Variants in GRM5 observed in about 807,000 individuals in gnomAD.
GRM5 encodes glutamate metabotropic receptor 5.
Under a neutral mutation model 83.1 loss-of-function variants are expected in GRM5, and 19 were observed. That is an observed-to-expected ratio of 0.23 (90% confidence interval 0.16 to 0.34). The LOEUF (loss-of-function observed/expected upper bound fraction) is 0.34. GRM5 is among the 10% of genes least tolerant of loss of function. The probability of loss-of-function intolerance (pLI) is 1.00; values close to 1 mark genes in which losing one functional copy is unlikely to be tolerated. For synonymous variants in GRM5, 675 were observed against 633.6 expected, an observed-to-expected ratio of 1.07 and a Z score of -0.98; for missense variants, 1,160 against 1,588.3, an observed-to-expected ratio of 0.73 and a Z score of 4.58.
chr11:88,717,240 A>G (rs999533486), intron 3 of GRM5, among the ~76,000 whole-genome samples: 1 of 151,914 alleles, frequency 6.6e-6, no homozygotes, highest in Non-Finnish European at 1.5e-5. Context: ...AAAGCCATTT[A>G]TTAGTCTTTG....
At chr11:88,636,591 T>C (rs1939129306) in intron 4 of GRM5, among the ~76,000 whole-genome samples, 1 of 152,166 alleles carries the variant, frequency 6.6e-6, no homozygotes, top group South Asian at 2.1e-4. Context: ...TTATAATAGG[T>C]TTTCTCATTA....
At chr11:88,569,110 A>T (rs1052735153) in intron 7 of GRM5, among the ~76,000 whole-genome samples, 1 of 152,246 alleles carries the variant, frequency 6.6e-6, no homozygotes, top group Non-Finnish European at 1.5e-5. Context: ...ACACACATAT[A>T]TAAAATCCTG....
chr11:88,544,961 A>T (rs1424429452), intron 8 of GRM5, among the ~76,000 whole-genome samples: 2 of 152,222 alleles, frequency 1.3e-5, no homozygotes, highest in Admixed American at 1.3e-4. Context: ...ACGAATGAAC[A>T]TTGATTTACA....
At chr11:88,601,771 T>G (rs1317923390) in intron 5 of GRM5, among the ~76,000 whole-genome samples, 1 of 152,190 alleles carries the variant, frequency 6.6e-6, no homozygotes, top group East Asian at 1.9e-4. Flanking sequence ...TAATTCTCAA[T>G]GGAGTCCCTA....
At chr11:88,879,706 T>C (rs1261033393) in intron 2 of GRM5, among the ~76,000 whole-genome samples, 1 of 151,952 alleles carries the variant, frequency 6.6e-6, no homozygotes, top group Non-Finnish European at 1.5e-5. Context: ...GTAAATATTT[T>C]TTACCTGTTT....
At chr11:88,950,351 A>AGT (rs55646353) in intron 2 of GRM5, among the ~76,000 whole-genome samples, 26,722 of 146,996 alleles carry the variant, frequency 0.18, 2,568 homozygotes, top group Non-Finnish European at 0.25. Flanking sequence ...TTGTGAGATA[A>AGT]GTGTGTGTGT....
chr11:88,752,923 G>T (rs991236974), intron 3 of GRM5, among the ~76,000 whole-genome samples: 2 of 152,136 alleles, frequency 1.3e-5, no homozygotes, highest in Admixed American at 6.6e-5. Context: ...ATTGAAACTG[G>T]ACCCCTTCCT....
chr11:88,637,449 A>C (rs1175262263), intron 4 of GRM5, among the ~76,000 whole-genome samples: 1 of 152,120 alleles, frequency 6.6e-6, no homozygotes, highest in East Asian at 1.9e-4. Context: ...AACTCAAACA[A>C]ATTTACAAGG....
At chr11:88,876,231 G>T (rs551783175) in intron 2 of GRM5, among the ~76,000 whole-genome samples, 3 of 152,172 alleles carry the variant, frequency 2.0e-5, no homozygotes, top group African/African-American at 7.2e-5. Context: ...TGCACTTTTA[G>T]GTTATAGAGA....
chr11:88,611,480 T>C (rs1938315055), intron 4 of GRM5, among the ~76,000 whole-genome samples: 1 of 152,210 alleles, frequency 6.6e-6, no homozygotes, highest in Non-Finnish European at 1.5e-5. Flanking sequence ...CTATTTCTCC[T>C]AGGTTTTCTT....
chr11:88,877,941 C>T (rs923885816), intron 2 of GRM5, among the ~76,000 whole-genome samples: 1 of 151,974 alleles, frequency 6.6e-6, no homozygotes, highest in African/African-American at 2.4e-5. Flanking sequence ...ACCAGCATGG[C>T]ACATGTATAC....
intron 3 of GRM5, among the ~76,000 whole-genome samples, chr11:88,710,561 T>C (rs771085945): frequency 6.6e-6 from 1 of 152,110 alleles, no homozygotes; most frequent in Non-Finnish European, 1.5e-5. Context: ...GAAAATATAA[T>C]ATGCTACTAT....
intron 7 of GRM5, among the ~76,000 whole-genome samples, chr11:88,587,049 T>C (rs1343334054): frequency 6.6e-6 from 1 of 152,206 alleles, no homozygotes; most frequent in African/African-American, 2.4e-5. Flanking sequence ...GGCATTGTAT[T>C]AGGTGCTGAG....
chr11:89,009,929 A>AAAAAAATAAAC (rs752780249), intron 2 of GRM5, among the ~76,000 whole-genome samples: 4 of 102,334 alleles, frequency 3.9e-5, no homozygotes, highest in African/African-American at 6.5e-5. Context: ...AAAAAAAAAA[A>AAAAAAATAAAC]ACACACACAA....
chr11:88,580,005 G>C (rs1386877387), intron 7 of GRM5, among the ~76,000 whole-genome samples: 1 of 152,136 alleles, frequency 6.6e-6, no homozygotes, highest in Non-Finnish European at 1.5e-5. Context: ...GGATATGAAG[G>C]ATTAGCCAAT....
intron 3 of GRM5, among the ~76,000 whole-genome samples, chr11:88,798,828 C>CAAAAA (rs1943335493): frequency 2.1e-5 from 1 of 48,176 alleles, no homozygotes; most frequent in African/African-American, 7.3e-5. Flanking sequence ...AAAAAAAAAA[C>CAAAAA]AACAACAACA....
In GRM5 at chr11:88,588,244, G is replaced by C. The variant is rs114991936; in HGVS notation, c.1690+2357C>G. Among the ~76,000 whole-genome samples, 1,116 of 152,236 alleles carry C rather than the reference G, an allele frequency of 7.3e-3. 11 individuals are homozygous for C. Among genetic ancestry groups the C allele is most frequent in the African/African-American group, 0.026 (1,078 of 41,546 alleles). ...GAGATAATGGAGTACACTTTGATTT[G>C]TTATTCTGTGTGAGCTATGATCTAA... On this transcript the variant is annotated intron_variant, in intron 7 of 9. Coordinates refer to ENST00000305447, the MANE Select transcript of GRM5 (RefSeq NM_001143831.3).
intron 3 of GRM5, among the ~76,000 whole-genome samples, chr11:88,667,552 T>C (rs1421288776): frequency 6.6e-6 from 1 of 152,020 alleles, no homozygotes; most frequent in Non-Finnish European, 1.5e-5. Flanking sequence ...CTAGAGGTCA[T>C]AGAAAAATAA....
intron 2 of GRM5, among the ~76,000 whole-genome samples, chr11:88,955,144 A>C (rs1272497236): frequency 6.6e-6 from 1 of 152,226 alleles, no homozygotes; most frequent in Admixed American, 6.5e-5. Flanking sequence ...ATACACACAC[A>C]ATCAAAAGCA....
Sources: gnomAD v4.1 joint callset for allele counts (sites outside exome capture counted in the v4.1 genomes callset) on GRCh38, gnomAD v4.1.1 for gene constraint, MANE v1.5 for transcripts, NCBI Gene and HGNC (gene_info 2026-07-23, HGNC 2026-07-21) for gene names.